ETV6: variants seen among roughly 807,000 people sequenced by gnomAD.
The protein encoded by ETV6 is transcription factor ETV6.
ETV6 carries 16 observed loss-of-function variants against 51.1 expected under a neutral mutation model. The ratio of observed to expected loss-of-function variants is 0.31; its 90% CI spans 0.21 to 0.48. The LOEUF is 0.48. ETV6 is among the 20% of genes least tolerant of loss of function. The pLI, the probability that ETV6 is intolerant of heterozygous loss-of-function variation, is 0.99. For missense variants in ETV6, 458 were observed against 594.8 expected (o/e 0.77, Z 2.39); for synonymous variants, 240 against 224.1 (o/e 1.07, Z -0.64).
chr12:11,815,505 TC>T (rs1279351982), intron 2 of ETV6, among the ~76,000 whole-genome samples: 8 of 152,218 alleles, frequency 5.3e-5, no homozygotes, highest in African/African-American at 1.9e-4. Flanking sequence ...TCTATTCTGA[TC>T]CTGGCCCTCC....
intron 2 of ETV6, among the ~76,000 whole-genome samples, chr12:11,784,267 T>C (rs1945449842): frequency 6.6e-6 from 1 of 151,956 alleles, no homozygotes; most frequent in South Asian, 2.1e-4. Flanking sequence ...CCGTCTTCAC[T>C]AAAAATACAA....
intron 1 of ETV6, among the ~76,000 whole-genome samples, chr12:11,729,301 G>C (rs1281536529): frequency 6.6e-6 from 1 of 152,202 alleles, no homozygotes; most frequent in Non-Finnish European, 1.5e-5. Flanking sequence ...CTCAACTCCT[G>C]AGTAGTCTCA....
intron 1 of ETV6, chr12:11,751,726 G>A (rs1866032289): frequency 5.1e-6 from 2 of 388,592 alleles, no homozygotes; most frequent in Non-Finnish European, 1.0e-5. Flanking sequence ...TTTAAATTCA[G>A]ATAATTCTTT....
intron 1 of ETV6, among the ~76,000 whole-genome samples, chr12:11,726,371 A>G (rs975232605): frequency 6.6e-6 from 1 of 152,244 alleles, no homozygotes; most frequent in African/African-American, 2.4e-5. Context: ...CCTAGGCCAC[A>G]GGTAATTTTG....
intron 1 of ETV6, among the ~76,000 whole-genome samples, chr12:11,676,677 T>C (rs1864427506): frequency 6.6e-6 from 1 of 152,192 alleles, no homozygotes; most frequent in South Asian, 2.1e-4. Flanking sequence ...ATGACATCCG[T>C]TTTGAAACTT....
At chr12:11,823,469 C>CTT (rs756553588) in intron 2 of ETV6, among the ~76,000 whole-genome samples, 20 of 137,550 alleles carry the variant, frequency 1.5e-4, no homozygotes, top group African/African-American at 3.0e-4. Flanking sequence ...TCCTTTTTTT[C>CTT]TTTTTTTTTT....
At chr12:11,792,763 T>TA (rs1295491012) in intron 2 of ETV6, among the ~76,000 whole-genome samples, 2 of 152,054 alleles carry the variant, frequency 1.3e-5, no homozygotes, top group African/African-American at 4.8e-5. Context: ...TCATCTACTG[T>TA]AAAACCAAAC....
At chr12:11,871,194 T>A (rs913410285) in intron 5 of ETV6, among the ~76,000 whole-genome samples, 3 of 146,806 alleles carry the variant, frequency 2.0e-5, no homozygotes, top group Non-Finnish European at 4.5e-5. Flanking sequence ...TGAGGTACTG[T>A]CCCTTTTTTT....
At chr12:11,886,305 C>T (rs752274017) in intron 7 of ETV6, among the ~76,000 whole-genome samples, 3 of 152,156 alleles carry the variant, frequency 2.0e-5, no homozygotes, top group Admixed American at 6.5e-5. Context: ...GCATTAAAGT[C>T]CGGTGTAGTT....
At chr12:11,692,781 G>A (rs1382602270) in intron 1 of ETV6, among the ~76,000 whole-genome samples, 4 of 152,128 alleles carry the variant, frequency 2.6e-5, no homozygotes, top group African/African-American at 9.7e-5. Flanking sequence ...GCCAGGCGTG[G>A]TGGTTCACGC....
intron 1 of ETV6, among the ~76,000 whole-genome samples, chr12:11,665,130 C>G (rs1239910652): frequency 6.6e-6 from 1 of 152,176 alleles, no homozygotes; most frequent in Non-Finnish European, 1.5e-5. Flanking sequence ...ATCTCAGCCT[C>G]CCGAGTAGCT....
At chr12:11,690,173 T>G (rs1367502487) in intron 1 of ETV6, among the ~76,000 whole-genome samples, 1 of 151,256 alleles carries the variant, frequency 6.6e-6, no homozygotes. Context: ...GGCGTAGGGA[T>G]GCACCCTTCT....
chr12:11,839,791 G>A (rs1221491202), intron 3 of ETV6, among the ~76,000 whole-genome samples: 2 of 152,118 alleles, frequency 1.3e-5, no homozygotes, highest in African/African-American at 4.8e-5. Context: ...GAGGTGGGAG[G>A]ATTGCTTGAG....
intron 2 of ETV6, among the ~76,000 whole-genome samples, chr12:11,806,383 G>C (rs1016424988): frequency 6.6e-6 from 1 of 152,188 alleles, no homozygotes; most frequent in Non-Finnish European, 1.5e-5. Flanking sequence ...AGAGGTTAAA[G>C]GATAAGCATT....
chr12:11,820,783 T>C (rs1446620675), intron 2 of ETV6, among the ~76,000 whole-genome samples: 1 of 151,988 alleles, frequency 6.6e-6, no homozygotes, highest in Non-Finnish European at 1.5e-5. Context: ...GAGTGAGAGA[T>C]AGGAAGCCAC....
At chr12:11,851,130 C>T (rs1283950552) in intron 3 of ETV6, among the ~76,000 whole-genome samples, 1 of 152,128 alleles carries the variant, frequency 6.6e-6, no homozygotes, top group Non-Finnish European at 1.5e-5. Context: ...CTCCCACCAC[C>T]ACACCAGCCC....
intron 1 of ETV6, among the ~76,000 whole-genome samples, chr12:11,726,417 G>A (rs147787577): frequency 4.6e-5 from 7 of 152,238 alleles, no homozygotes; most frequent in South Asian, 2.1e-4. Context: ...ACAGTAGGTC[G>A]TAAAAATGAA....
chr12:11,887,056 G>T (rs1301304544), intron 7 of ETV6, among the ~76,000 whole-genome samples: 1 of 152,084 alleles, frequency 6.6e-6, no homozygotes, highest in Admixed American at 6.5e-5. Flanking sequence ...TTAGCATTGG[G>T]AAGGAATGGT....
chr12:11,862,038 C>G (rs1466259239), intron 4 of ETV6, among the ~76,000 whole-genome samples: 5 of 152,196 alleles, frequency 3.3e-5, no homozygotes, highest in African/African-American at 1.2e-4. Flanking sequence ...ACTCTCTGTA[C>G]TGATCCCCTG....
Sources: gnomAD v4.1 joint callset for allele counts (sites outside exome capture counted in the v4.1 genomes callset) on GRCh38, gnomAD v4.1.1 for gene constraint, MANE v1.5 for transcripts, NCBI Gene and HGNC (gene_info 2026-07-23, HGNC 2026-07-21) for gene names.